The following ACVR2A variants were observed in gnomAD, a reference collection of about 807,000 sequenced individuals.
The protein encoded by ACVR2A is activin A receptor type 2A.
In ACVR2A, 7 loss-of-function variants were observed where a neutral mutation model predicts 61.4. That is an observed-to-expected ratio of 0.11 (90% CI 0.06 to 0.21). The LOEUF (loss-of-function observed/expected upper bound fraction) is 0.21, where lower values mean the gene tolerates loss of function less well. ACVR2A is among the 10% of genes least tolerant of loss of function. The probability of loss-of-function intolerance (pLI) is 1.00; values close to 1 mark genes in which losing one functional copy is unlikely to be tolerated. For synonymous variants in ACVR2A, 193 were observed against 208.3 expected (o/e 0.93, Z 0.63); for missense variants, 322 against 621.7 (o/e 0.52, Z 5.13).
upstream of ACVR2A, chr2:147,844,682 C>T (rs1357619543): frequency 3.3e-5 from 5 of 151,310 alleles, no homozygotes; most frequent in East Asian, 1.0e-3. Flanking sequence ...CAGTGGTCCT[C>T]GGACTTTAGG....
intron 4 of ACVR2A, among the ~76,000 whole-genome samples, chr2:147,914,721 T>C (rs1256668130): frequency 6.6e-6 from 1 of 151,996 alleles, no homozygotes; most frequent in Non-Finnish European, 1.5e-5. Context: ...CTGAGATTAA[T>C]GAAGAAAAAA....
chr2:147,875,629 GCT>G (rs1478283426), intron 1 of ACVR2A, among the ~76,000 whole-genome samples: 4 of 151,994 alleles, frequency 2.6e-5, no homozygotes, highest in Non-Finnish European at 5.9e-5. Context: ...GAGAAACATT[GCT>G]CTGTTTCTTA....
At chr2:147,851,517 C>T (rs938986166) in intron 1 of ACVR2A, among the ~76,000 whole-genome samples, 7 of 152,078 alleles carry the variant, frequency 4.6e-5, no homozygotes. Context: ...CTTGCAGTTT[C>T]TTAAATGTGT....
At chr2:147,924,619 A>G (rs1213583686) in intron 9 of ACVR2A, among the ~76,000 whole-genome samples, 2 of 152,014 alleles carry the variant, frequency 1.3e-5, no homozygotes, top group African/African-American at 4.8e-5. Flanking sequence ...CTCTTAAGTC[A>G]GAACCCAATT....
chr2:147,882,794 T>A (rs1470567990), intron 1 of ACVR2A, among the ~76,000 whole-genome samples: 1 of 143,074 alleles, frequency 7.0e-6, no homozygotes, highest in African/African-American at 2.6e-5. Flanking sequence ...AAGTACTAAG[T>A]ATGGGGTATT....
intron 4 of ACVR2A, among the ~76,000 whole-genome samples, chr2:147,909,728 C>T (rs374272026): frequency 3.1e-4 from 47 of 152,124 alleles, no homozygotes; most frequent in Admixed American, 7.2e-4. Context: ...GCCTCAATCT[C>T]CCAGGCTCAA....
Position 147,923,101 on chromosome 2 carries a change from T to C in ACVR2A, c.1206T>C (p.Thr402=), listed in dbSNP as rs1357633909. The C allele has an allele frequency of 6.2e-7, 1 of 1,605,100 alleles. No homozygotes were observed. The highest frequency in any genetic ancestry group is 8.5e-7 in the Non-Finnish European group (1 of 1,177,418). ...TATGGGAACTGGCTTCTCGCTGTACTGCTGCAGATGGTAAGGGAAAAAAAT... is the reference window on the plus strand; with the variant it reads ...TATGGGAACTGGCTTCTCGCTGTACCGCTGCAGATGGTAAGGGAAAAAAAT... ...LVLWELASRC[T]AADGPVDEYM... The change falls in exon 9 of 11, where the codon ACT becomes ACC. Residue 402 remains threonine, a synonymous_variant. Coordinates refer to ENST00000241416, the MANE Select transcript of ACVR2A (RefSeq NM_001616.5).
chr2:147,845,532 C>T (rs1476982450), intron 1 of ACVR2A, among the ~76,000 whole-genome samples: 9 of 152,124 alleles, frequency 5.9e-5, no homozygotes, highest in Admixed American at 5.2e-4. Flanking sequence ...GCCGCAAATA[C>T]CACAAGTGAC....
At chr2:147,874,118 T>G (rs1686095056) in intron 1 of ACVR2A, among the ~76,000 whole-genome samples, 1 of 151,860 alleles carries the variant, frequency 6.6e-6, no homozygotes, top group Non-Finnish European at 1.5e-5. Context: ...ATTTATTGCT[T>G]TGACAGTGAA....
At chr2:147,857,134 A>G (rs1004182823) in intron 1 of ACVR2A, among the ~76,000 whole-genome samples, 15 of 152,138 alleles carry the variant, frequency 9.9e-5, no homozygotes, top group Non-Finnish European at 2.2e-4. Context: ...GGATGGAGTA[A>G]AAGTAAAAGG....
At chr2:147,888,371 A>T (rs1686494132) in intron 1 of ACVR2A, among the ~76,000 whole-genome samples, 2 of 152,182 alleles carry the variant, frequency 1.3e-5, no homozygotes, top group Admixed American at 6.5e-5. Context: ...CAATTTAGGG[A>T]GAATTGACAT....
chr2:147,866,347 A>G (rs1285961178), intron 1 of ACVR2A, among the ~76,000 whole-genome samples: 35 of 152,176 alleles, frequency 2.3e-4, no homozygotes. Flanking sequence ...TAGGAACCGC[A>G]TGGAGATATT....
chr2:147,856,434 T>C (rs1376772311), intron 1 of ACVR2A, among the ~76,000 whole-genome samples: 2 of 152,190 alleles, frequency 1.3e-5, no homozygotes, highest in Non-Finnish European at 2.9e-5. Context: ...AAGTTCAGTT[T>C]TACCCTATAA....
At chr2:147,881,872 G>C (rs1686311207) in intron 1 of ACVR2A, among the ~76,000 whole-genome samples, 1 of 151,882 alleles carries the variant, frequency 6.6e-6, no homozygotes, top group Non-Finnish European at 1.5e-5. Context: ...TTTAGAGAAA[G>C]GTTTAAGAAA....
intron 1 of ACVR2A, among the ~76,000 whole-genome samples, chr2:147,856,048 A>G (rs920167654): frequency 3.3e-5 from 5 of 152,180 alleles, no homozygotes; most frequent in Non-Finnish European, 5.9e-5. Flanking sequence ...CAGGTTATCA[A>G]GGTCTTACAA....
intron 1 of ACVR2A, among the ~76,000 whole-genome samples, chr2:147,864,648 G>A (rs1685809387): frequency 6.6e-6 from 1 of 152,126 alleles, no homozygotes; most frequent in Non-Finnish European, 1.5e-5. Flanking sequence ...ATAAAAGGTG[G>A]CAAAGGAGTA....
intron 8 of ACVR2A, among the ~76,000 whole-genome samples, chr2:147,920,848 C>T (rs1687362859): frequency 6.6e-6 from 1 of 152,160 alleles, no homozygotes; most frequent in South Asian, 2.1e-4. Context: ...GAGTTCAGAG[C>T]ACTTGTAAAC....
At chr2:147,880,194 T>C (rs910572132) in intron 1 of ACVR2A, among the ~76,000 whole-genome samples, 1 of 152,096 alleles carries the variant, frequency 6.6e-6, no homozygotes, top group Non-Finnish European at 1.5e-5. Context: ...TGATGACTAG[T>C]AAGCATTTTT....
chr2:147,848,093 G>A (rs1020266038), intron 1 of ACVR2A, among the ~76,000 whole-genome samples: 10 of 152,188 alleles, frequency 6.6e-5, no homozygotes, highest in African/African-American at 2.2e-4. Context: ...GTGAATGTAT[G>A]TGTGGTTGGA....
Sources: gnomAD v4.1 joint callset for allele counts (sites outside exome capture counted in the v4.1 genomes callset) on GRCh38, gnomAD v4.1.1 for gene constraint, MANE v1.5 for transcripts, NCBI Gene and HGNC (gene_info 2026-07-23, HGNC 2026-07-21) for gene names.